The following GGT7 variants were observed in gnomAD, a reference collection of about 807,000 sequenced individuals.
GGT7 encodes the protein glutathione hydrolase 7.
A neutral mutation model predicts 69.2 loss-of-function variants in GGT7; 30 were observed. That is an observed-to-expected ratio of 0.43 (90% CI 0.32 to 0.59). The LOEUF (loss-of-function observed/expected upper bound fraction) is 0.59, where lower values mean the gene tolerates loss of function less well. GGT7 is among the 20% of genes least tolerant of loss of function. The pLI, the probability that GGT7 is intolerant of heterozygous loss-of-function variation, is 0.05. For synonymous variants in GGT7, 388 were observed against 391.8 expected (o/e 0.99, Z 0.12); for missense variants, 733 against 901.1 (o/e 0.81, Z 2.39).
Position 34,859,986 on chromosome 20 carries a change from T to G in GGT7, c.800A>C (p.Asn267Thr). 6.4e-7 allele frequency: 1 copy of G among 1,565,160 alleles called. No individual in the cohort carries two copies. Among genetic ancestry groups the G allele is most frequent in the Non-Finnish European group, 8.7e-7 (1 of 1,153,640 alleles). ...CCACTGACCTAGATCATGAGTCACGTTGAAGCCATCTTGGGCCACAGCTGC... is the reference window on the plus strand; with the variant it reads ...CCACTGACCTAGATCATGAGTCACGGTGAAGCCATCTTGGGCCACAGCTGC... ...FAAAVAQDGF[N>T]VTHDLARALA... The change falls in exon 6 of 15, where the codon AAC becomes ACC. Residue 267 changes from asparagine to threonine, a missense_variant. Coordinates refer to ENST00000336431, the MANE Select transcript of GGT7 (RefSeq NM_178026.3).
chr20:34,854,456 C>G, intron 10 of GGT7, 75 bp downstream of exon 10: 1 of 835,722 alleles, frequency 1.2e-6, no homozygotes. Flanking sequence ...ATTGCTATAC[C>G]AGCTGCTTTT....
At chr20:34,848,534 A>C (rs2079335349) in intron 14 of GGT7, among the ~76,000 whole-genome samples, 1 of 152,250 alleles carries the variant, frequency 6.6e-6, no homozygotes, top group Non-Finnish European at 1.5e-5. Context: ...TTTGTTGAAC[A>C]AAATTCAATT....
In GGT7 at chr20:34,859,847, G is replaced by A. The variant is rs1218200582; in HGVS notation, c.817+122C>T. The A allele has an allele frequency of 2.1e-5, 17 of 822,920 alleles. No individual in the cohort carries two copies. The South Asian group carries it at 2.2e-4, about 11-fold the overall frequency. 51.0% of individuals were successfully genotyped at this position (822,920 alleles called of 1,614,324 possible). A position where few individuals can be genotyped will look rare whatever the true frequency, so the allele number is the denominator to read the frequency against. ...CCTCCAGGTGAGGGTGGGATAAGGT[G>A]GGGAGGGGGTCTGAGGAGCAAACTG... is the stretch of plus-strand genomic sequence containing the variant. On this transcript the variant is annotated intron_variant, in intron 6 of 14. Transcript: ENST00000336431.
chr20:34,852,342 G>A, intron 11 of GGT7, 47 bp downstream of exon 11: 1 of 1,595,966 alleles, frequency 6.3e-7, no homozygotes, highest in Non-Finnish European at 8.6e-7. Flanking sequence ...ACCCCCTCTT[G>A]GTTCAGAGGA....
At chr20:34,852,327 C>A (rs1228962253) in intron 11 of GGT7, 55 bp from the exon 12 acceptor site, 19 of 1,603,778 alleles carry the variant, frequency 1.2e-5, no homozygotes, top group Non-Finnish European at 1.6e-5. Context: ...CTCTACCCAG[C>A]CCCCACCCCC....
chr20:34,851,952 T>A (rs1305477961), intron 12 of GGT7, among the ~76,000 whole-genome samples: 2 of 152,216 alleles, frequency 1.3e-5, no homozygotes, highest in Non-Finnish European at 2.9e-5. Flanking sequence ...AGTAAGACAG[T>A]GACAGAATGG....
At chr20:34,869,099 G>A (rs1376794628) in intron 1 of GGT7, among the ~76,000 whole-genome samples, 2 of 152,014 alleles carry the variant, frequency 1.3e-5, no homozygotes, top group Non-Finnish European at 2.9e-5. Flanking sequence ...CTAGAGGCTA[G>A]GGTCATCCCT....
intron 6 of GGT7, 37 bp downstream of exon 6, chr20:34,859,932 A>AAT: frequency 7.3e-7 from 1 of 1,371,766 alleles, no homozygotes; most frequent in Non-Finnish European, 1.0e-6. Context: ...TTCTCCATCA[A>AAT]CCTCATGTCT....
Position 34,854,919 on chromosome 20 carries a change from G to A in GGT7, c.1107C>T (p.His369=). The A allele has an allele frequency of 6.2e-7, 1 of 1,613,682 alleles. No homozygotes were observed. ...EKPVCGVYRG[H]LVLSPPPPHT... The stretch of plus-strand genomic sequence containing the variant: ...GCGGAGGTGGGGGACTAAGAACCAG[G>A]TGGCCTGAAAGGACAGGAAGTGACT... The change falls in exon 9 of 15, where the codon CAC becomes CAT. Residue 369 remains histidine, a synonymous_variant. Coordinates refer to ENST00000336431, the MANE Select transcript of GGT7 (RefSeq NM_178026.3).
chr20:34,863,068 C>A lies in GGT7; in HGVS notation c.406-103G>T. 8.4e-7 allele frequency: 1 copy of A among 1,191,474 alleles called. No homozygotes were observed. Among genetic ancestry groups the A allele is most frequent in the South Asian group, 1.5e-5 (1 of 67,722 alleles). The allele number at this position is 1,191,474 out of a possible 1,614,324, so 73.8% of individuals were successfully genotyped here. On this transcript the variant is annotated intron_variant, in intron 2 of 14. Transcript: ENST00000336431. The surrounding 1 kb of genome is among the most constrained non-coding windows in gnomAD (Gnocchi z 4.4). ...TCTACGCGGCATGAAGGTCGAAGCC[C>A]TGCCCCCTTGTTGCCTTGACTCTGC...
intron 14 of GGT7, among the ~76,000 whole-genome samples, chr20:34,847,543 C>A (rs1174923320): frequency 6.6e-6 from 1 of 152,204 alleles, no homozygotes; most frequent in African/African-American, 2.4e-5. Context: ...AATCGAAAAT[C>A]TATTTCCTTT....
chr20:34,872,614 A>G (rs974340006), intron 1 of GGT7, 33 bp downstream of exon 1: 1 of 1,404,004 alleles, frequency 7.1e-7, no homozygotes, highest in Non-Finnish European at 9.3e-7. Flanking sequence ...GGACTTCCCA[A>G]GGCAGGGCAG....
rs533561120 is a variant in GGT7 at position 34,860,637 on chromosome 20, CTTTTTTT to C, written c.676-323_676-317del. Among the ~76,000 whole-genome samples the C allele has an allele frequency of 1.5e-3, 172 of 113,868 alleles. 2 individuals are homozygous for C. In the East Asian group the frequency reaches 0.03, roughly 20 times the overall value. 74.7% of individuals were successfully genotyped at this position (113,868 alleles called of 152,430 possible). A position where few individuals can be genotyped will look rare whatever the true frequency, so the allele number is the denominator to read the frequency against. On this transcript the variant is annotated intron_variant, in intron 4 of 14. Transcript: ENST00000336431. ...TACATTGGATTTCACCAACCCCTGC[CTTTTTTT>C]TTTTTTTTTTTTTTTTTTCCTGTTA...
At chr20:34,858,777 G>T (rs536443620) in intron 7 of GGT7, among the ~76,000 whole-genome samples, 11 of 152,268 alleles carry the variant, frequency 7.2e-5, no homozygotes, top group Admixed American at 6.5e-4. Context: ...GGGAAGCTGA[G>T]GCCGATACTG....
chr20:34,857,153 C>A (rs768285931), intron 7 of GGT7, among the ~76,000 whole-genome samples: 1 of 152,174 alleles, frequency 6.6e-6, no homozygotes, highest in Non-Finnish European at 1.5e-5. Context: ...GCTTGCCATT[C>A]AAGACTTTTT....
Position 34,862,913 on chromosome 20 carries a change from C to T in GGT7, c.458G>A (p.Gly153Asp), listed in dbSNP as rs1362359934. The T allele has an allele frequency of 6.2e-7, 1 of 1,614,034 alleles. No homozygotes were observed. The highest frequency in any genetic ancestry group is 8.5e-7 in the Non-Finnish European group (1 of 1,179,948). Residue 153 changes from glycine to aspartate, a missense_variant, in exon 3 of 15, where the codon GGC becomes GAC. Transcript: ENST00000336431. ...TCCCTGTTTACTGAGCACCTCGATG[C>T]CCAGTGAAGTGCAGCGGGCAGCATC... ...VTDAARCTSL[G>D]IEVLSKQGSS...
Position 34,859,640 on chromosome 20 carries a change from C to CT in GGT7, c.818-2dup. ...GGCAGCTGTTCAGCCAGGGCACGGG[C>CT]TAGGGGCAGGGACGGGAGGCTGGGC... On this transcript the variant is annotated splice_acceptor_variant, in intron 6 of 14. Transcript: ENST00000336431. LOFTEE classifies it high-confidence loss of function. The CT allele has an allele frequency of 6.3e-7, 1 of 1,589,374 alleles. No homozygotes were observed. The highest frequency in any genetic ancestry group is 1.3e-5 in the African/African-American group (1 of 74,784).
At position 34,850,006 on chromosome 20, in the gene GGT7, C is replaced by T. The variant is rs967645494; in HGVS notation, c.1780G>A (p.Gly594Ser). 11 of 1,613,874 alleles carry T rather than the reference C, an allele frequency of 6.8e-6. No individual in the cohort carries two copies. Among genetic ancestry groups the T allele is most frequent in the Admixed American group, 3.3e-5 (2 of 60,018 alleles). The change falls in exon 14 of 15, where the codon GGC (glycine) becomes AGC (serine). Residue 594 changes from glycine (G) to serine (S), a missense_variant. Gly to Ser is a moderately conservative substitution (Grantham distance 56). Coordinates refer to ENST00000336431, the MANE Select transcript of GGT7 (RefSeq NM_178026.3). The stretch of plus-strand genomic sequence containing the variant: ...GACTGCAGGTCCGGGTGTAGGCGGC[C>T]GCGGGCCAGGCTGTCACTCAGGTTC... Reference protein sequence around the residue: ...NRNLSDSLARGRLHPDLQSNL... With the variant: ...NRNLSDSLARSRLHPDLQSNL...
At chr20:34,865,722 T>C (rs994248476) in intron 1 of GGT7, among the ~76,000 whole-genome samples, 1 of 152,216 alleles carries the variant, frequency 6.6e-6, no homozygotes, top group Non-Finnish European at 1.5e-5. Context: ...CTGTAGGTAC[T>C]CACTCCAAGT....
Sources: allele counts gnomAD v4.1 joint callset (sites outside exome capture counted in the v4.1 genomes callset), GRCh38; gene constraint gnomAD v4.1.1; non-coding constraint Gnocchi (gnomAD v3.1); transcripts MANE v1.5; gene names NCBI Gene and HGNC (gene_info 2026-07-23, HGNC 2026-07-21).